The following MEGF11 variants were observed in gnomAD, a reference collection of about 807,000 sequenced individuals.
The protein encoded by MEGF11 is multiple epidermal growth factor-like domains protein 11.
A neutral mutation model predicts 146.6 loss-of-function variants in MEGF11; 126 were observed. The observed-to-expected ratio is 0.86, with a 90% confidence interval of 0.74 to 1.00. The LOEUF is 1.00. Among genes scored for constraint, MEGF11 ranks in the 50% least tolerant of loss-of-function variants. MEGF11 has a pLI of 0.00. For synonymous variants in MEGF11, 532 were observed against 583.4 expected (o/e 0.91, Z 1.27); for missense variants, 1,509 against 1,521.2 (o/e 0.99, Z 0.13).
At chr15:66,104,865 T>C (rs112962526) in intron 4 of MEGF11, among the ~76,000 whole-genome samples, 2 of 152,254 alleles carry the variant, frequency 1.3e-5, no homozygotes, top group African/African-American at 2.4e-5. Flanking sequence ...ACGCGAGTCC[T>C]CTCAACTTGG....
At chr15:66,232,759 G>A (rs191838846) in intron 1 of MEGF11, among the ~76,000 whole-genome samples, 68 of 152,150 alleles carry the variant, frequency 4.5e-4, no homozygotes, top group Non-Finnish European at 7.5e-4. Context: ...GAGTTTTATC[G>A]AGGCCTACCG....
chr15:66,067,181 A>T (rs2085164205), intron 5 of MEGF11, among the ~76,000 whole-genome samples: 1 of 152,224 alleles, frequency 6.6e-6, no homozygotes, highest in Non-Finnish European at 1.5e-5. Flanking sequence ...AATGAACTAG[A>T]TGGATTTATG....
At chr15:66,222,340 G>A (rs542370229) in intron 1 of MEGF11, among the ~76,000 whole-genome samples, 1 of 152,164 alleles carries the variant, frequency 6.6e-6, no homozygotes, top group South Asian at 2.1e-4. Context: ...CTTCTCCAGA[G>A]CAAATTCTTC....
At chr15:66,049,277 GTTC>G (rs1440112105) in intron 5 of MEGF11, among the ~76,000 whole-genome samples, 4 of 152,182 alleles carry the variant, frequency 2.6e-5, no homozygotes, top group African/African-American at 9.7e-5. Context: ...TGTATTCTAG[GTTC>G]CAACTCTGGG....
At chr15:66,221,275 G>C (rs1425592698) in intron 1 of MEGF11, among the ~76,000 whole-genome samples, 1 of 151,968 alleles carries the variant, frequency 6.6e-6, no homozygotes, top group African/African-American at 2.4e-5. Flanking sequence ...TGGGTCACGG[G>C]CTCGCAGCCG....
chr15:66,016,479 GTTTTT>G (rs58588643), intron 5 of MEGF11, among the ~76,000 whole-genome samples: 4 of 127,694 alleles, frequency 3.1e-5, no homozygotes, highest in African/African-American at 8.9e-5. Context: ...CATCCATTCA[GTTTTT>G]TTTTTTTTTT....
In MEGF11 at chr15:65,978,773, CCTCAGAGGAGACA is replaced by C. The variant is rs553786129; in HGVS notation, c.762+1992_762+2004del. ...AAGGTGGTGGCGGTCCCTTTTTCTTCCTCAGAGGAGACAGACAGATGGACAGACAGACACCAAG... is the reference window on the plus strand; with the variant it reads ...AAGGTGGTGGCGGTCCCTTTTTCTTCGACAGATGGACAGACAGACACCAAG... On this transcript the variant is annotated intron_variant, in intron 7 of 25. Coordinates refer to ENST00000395614, the MANE Select transcript of MEGF11 (RefSeq NM_001385028.1). Among the ~76,000 whole-genome samples the C allele has an allele frequency of 3.9e-3, 576 of 149,512 alleles. 2 individuals are homozygous for C. The highest frequency in any genetic ancestry group is 6.5e-3 in the Non-Finnish European group (433 of 66,166).
rs533872460 is a variant in MEGF11, at chr15:66,182,560, G to A, written c.-8-54149C>T. Among the ~76,000 whole-genome samples the A allele has an allele frequency of 1.9e-4, 29 of 152,258 alleles. 1 individual carries two copies. In the South Asian group the frequency reaches 5.8e-3, roughly 31 times the overall value. On this transcript the variant is annotated intron_variant, in intron 1 of 25. Transcript: ENST00000395614. ...CACTGAGCTCCCTGGAGCAGCTGGTGTATTATTCGCAGGGAGAAAAAAAAA... is the reference window on the plus strand; with the variant it reads ...CACTGAGCTCCCTGGAGCAGCTGGTATATTATTCGCAGGGAGAAAAAAAAA...
rs565874475 is a variant in MEGF11, at chr15:65,983,510, A to G, written c.395-1022T>C. Among the ~76,000 whole-genome samples the G allele has an allele frequency of 1.4e-4, 22 of 152,322 alleles. No homozygotes were observed. The South Asian group carries it at 3.7e-3, about 26-fold the overall frequency. On this transcript the variant is annotated intron_variant, in intron 5 of 25. Transcript: ENST00000395614. ...GGAGTTCAGGCATGGACAGGCACAC[A>G]TAATGTTCTGGGAGAAGTTGGATGG... is the stretch of plus-strand genomic sequence containing the variant.
chr15:66,239,667 C>A (rs2092168671), intron 1 of MEGF11, among the ~76,000 whole-genome samples: 1 of 152,216 alleles, frequency 6.6e-6, no homozygotes, highest in Admixed American at 6.5e-5. Flanking sequence ...GCACAGCCTG[C>A]ACTGCACACT....
At chr15:66,196,415 C>T (rs908080544) in intron 1 of MEGF11, among the ~76,000 whole-genome samples, 4 of 151,922 alleles carry the variant, frequency 2.6e-5, no homozygotes, top group Non-Finnish European at 5.9e-5. Context: ...GAGGTTGCAG[C>T]GAGCTGAGAT....
At chr15:66,009,090 T>C (rs1014917553) in intron 5 of MEGF11, among the ~76,000 whole-genome samples, 2 of 152,222 alleles carry the variant, frequency 1.3e-5, no homozygotes, top group Non-Finnish European at 2.9e-5. Context: ...TTGGAGTCTG[T>C]CTACTTATGG....
At chr15:66,146,557 C>T (rs920520756) in intron 1 of MEGF11, among the ~76,000 whole-genome samples, 2 of 152,296 alleles carry the variant, frequency 1.3e-5, no homozygotes, top group African/African-American at 2.4e-5. Flanking sequence ...GGCTCTGCCA[C>T]GTGTGACTCA....
intron 1 of MEGF11, among the ~76,000 whole-genome samples, chr15:66,187,632 A>T (rs2090745416): frequency 6.6e-6 from 1 of 152,178 alleles, no homozygotes; most frequent in South Asian, 2.1e-4. Flanking sequence ...CCTACCTGGG[A>T]CTCATTTCCC....
At chr15:66,166,175 CA>C in intron 1 of MEGF11, among the ~76,000 whole-genome samples, 1 of 152,128 alleles carries the variant, frequency 6.6e-6, no homozygotes, top group Non-Finnish European at 1.5e-5. Context: ...TAAACAGGAA[CA>C]AAATAGAACT....
intron 1 of MEGF11, among the ~76,000 whole-genome samples, chr15:66,227,243 C>T (rs917299069): frequency 8.5e-5 from 13 of 152,072 alleles, no homozygotes; most frequent in African/African-American, 1.7e-4. Context: ...TGCTTACTGA[C>T]GGGATCATCC....
At chr15:66,009,418 G>A (rs2082633135) in intron 5 of MEGF11, among the ~76,000 whole-genome samples, 1 of 151,952 alleles carries the variant, frequency 6.6e-6, no homozygotes, top group African/African-American at 2.4e-5. Flanking sequence ...GTGGCTGGGA[G>A]GCTCTGTTAG....
intron 13 of MEGF11, among the ~76,000 whole-genome samples, chr15:65,923,605 G>T (rs111407216): frequency 6.6e-6 from 1 of 152,206 alleles, no homozygotes; most frequent in African/African-American, 2.4e-5. Flanking sequence ...TACATTTACT[G>T]TCACTATGTA....
chr15:66,180,293 C>T (rs115502036), intron 1 of MEGF11, among the ~76,000 whole-genome samples: 3,925 of 152,276 alleles, frequency 0.026, 160 homozygotes, highest in African/African-American at 0.088. Flanking sequence ...CAGGCAGCTG[C>T]ACCCCTAGGA....
Sources: allele counts gnomAD v4.1 joint callset (sites outside exome capture counted in the v4.1 genomes callset), GRCh38; gene constraint gnomAD v4.1.1; transcripts MANE v1.5; gene names NCBI Gene and HGNC (gene_info 2026-07-23, HGNC 2026-07-21).